The following SLC5A5 variants were observed in gnomAD, a reference collection of about 807,000 sequenced individuals.
SLC5A5 encodes the protein solute carrier family 5 member 5.
Under a neutral mutation model 68.6 loss-of-function variants are expected in SLC5A5, and 56 were observed. The ratio of observed to expected loss-of-function variants is 0.82; its 90% CI spans 0.66 to 1.02. The LOEUF is 1.02. Among genes scored for constraint, SLC5A5 ranks in the 50% least tolerant of loss-of-function variants. The pLI, the probability that SLC5A5 is intolerant of heterozygous loss-of-function variation, is 0.00. For synonymous variants in SLC5A5, 398 were observed against 373.0 expected (o/e 1.07, Z -0.77); for missense variants, 807 against 859.8 (o/e 0.94, Z 0.77).
rs1005011923 is a variant in SLC5A5, at chr19:17,874,677, C to G, written c.489C>G (p.Asp163Glu). 6.2e-7 allele frequency: 1 copy of G among 1,614,176 alleles called. No individual in the cohort carries two copies. The highest frequency in any genetic ancestry group is 1.1e-5 in the South Asian group (1 of 91,092). ...ALILNQVTGL[D>E]IWASLLSTGI... ...CTTTTTGCATAGTGACCGGGCTGGA[C>G]ATCTGGGCGTCGCTCCTGTCCACCG... Residue 163 changes from aspartate to glutamate, a missense_variant, in exon 4 of 15, where the codon GAC (aspartate) becomes GAG (glutamate). Coordinates refer to ENST00000222248, the MANE Select transcript of SLC5A5 (RefSeq NM_000453.3).
At position 17,890,895 on chromosome 19, in the gene SLC5A5, A is replaced by G. The variant is rs1399412903; in HGVS notation, c.1661A>G (p.Lys554Arg). Residue 554 changes from lysine to arginine, a missense_variant, in exon 14 of 15, where the codon AAG becomes AGG. Transcript: ENST00000222248. ...TCTCCCCGCCTCTCAGGCCCCACCA[A>G]GCGCAGCACCCTGGCCCCGGGATTG... ...ALISCLTGPT[K>R]RSTLAPGLLW... 3.1e-6 allele frequency: 5 copies of G among 1,613,276 alleles called. No individual in the cohort carries two copies. The highest frequency in any genetic ancestry group is 4.2e-6 in the Non-Finnish European group (5 of 1,179,448).
chr19:17,889,480 G>C (rs1315259365), intron 13 of SLC5A5, among the ~76,000 whole-genome samples: 84 of 151,958 alleles, frequency 5.5e-4, no homozygotes, highest in Non-Finnish European at 1.5e-5. Flanking sequence ...GAGAAAGAGA[G>C]AGAGAAAGAA....
Position 17,876,068 on chromosome 19 carries a change from C to A in SLC5A5, c.660C>A (p.Leu220=). The A allele has an allele frequency of 1.9e-6, 3 of 1,614,184 alleles. No homozygotes were observed. The South Asian group carries it at 3.3e-5, about 18-fold the overall frequency. The part of the protein sequence containing the change: ...VMLVGGPRQV[L]TLAQNHSRIN... ...TTGTGGGCGGGCCCCGCCAGGTGCT[C>A]ACGCTGGCCCAGAACCACTCCCGGA... The change falls in exon 5 of 15, where the codon CTC becomes CTA. Residue 220 remains leucine (L), a synonymous_variant. Transcript: ENST00000222248.
intron 12 of SLC5A5, among the ~76,000 whole-genome samples, chr19:17,884,590 G>C (rs1420312099): frequency 6.6e-6 from 1 of 151,408 alleles, no homozygotes; most frequent in East Asian, 2.0e-4. Flanking sequence ...TGATCAACAT[G>C]GGGAAACCCC....
At chr19:17,893,065 T>G (rs987144565) in intron 14 of SLC5A5, among the ~76,000 whole-genome samples, 2 of 151,316 alleles carry the variant, frequency 1.3e-5, no homozygotes, top group Non-Finnish European at 2.9e-5. Context: ...TTGTTGTCTT[T>G]GTTTTATTTG....
At chr19:17,885,518 A>G (rs180683896) in intron 12 of SLC5A5, among the ~76,000 whole-genome samples, 46 of 151,574 alleles carry the variant, frequency 3.0e-4, no homozygotes, top group Middle Eastern at 3.4e-3. Flanking sequence ...AGCTGGGACT[A>G]TAGGCATGTA....
At chr19:17,872,807 G>C (rs2094297645) in intron 1 of SLC5A5, 131 bp downstream of exon 1, 1 of 671,502 alleles carries the variant, frequency 1.5e-6, no homozygotes, top group Non-Finnish European at 2.7e-6. Context: ...TAACGGAAGG[G>C]GCCCCTAGGC....
chr19:17,875,900 G>T, intron 4 of SLC5A5, 52 bp from the exon 5 acceptor site: 1 of 1,604,656 alleles, frequency 6.2e-7, no homozygotes, highest in Non-Finnish European at 8.5e-7. Context: ...ACCACTGAAG[G>T]CCAGGTCCCC....
intron 13 of SLC5A5, among the ~76,000 whole-genome samples, 190 bp downstream of exon 13, chr19:17,888,645 A>G (rs1260576191): frequency 7.2e-6 from 1 of 139,498 alleles, no homozygotes; most frequent in African/African-American, 2.9e-5. Flanking sequence ...CATCATCATC[A>G]TTTTTGAGAT....
chr19:17,874,280 A>G (rs2094301352), intron 2 of SLC5A5, 77 bp downstream of exon 2: 4 of 1,040,270 alleles, frequency 3.8e-6, no homozygotes, highest in Non-Finnish European at 5.9e-6. Flanking sequence ...CCACCATTCA[A>G]GACCCCGCCC....
chr19:17,891,574 G>A (rs73022606), intron 14 of SLC5A5, among the ~76,000 whole-genome samples: 5,078 of 152,008 alleles, frequency 0.033, 127 homozygotes, highest in South Asian at 0.056. Flanking sequence ...CCTTTTTGTC[G>A]TTATCTGTTT....
chr19:17,885,323 T>TTTTG (rs569450309), intron 12 of SLC5A5, among the ~76,000 whole-genome samples: 184 of 148,142 alleles, frequency 1.2e-3, no homozygotes, highest in African/African-American at 4.7e-3. Context: ...ACATTTTCTG[T>TTTTG]TTTGTTTATT....
chr19:17,889,044 A>T (rs995150820), intron 13 of SLC5A5, among the ~76,000 whole-genome samples: 4 of 151,774 alleles, frequency 2.6e-5, no homozygotes, highest in African/African-American at 9.7e-5. Flanking sequence ...GAATATATAT[A>T]AAAATTATGA....
chr19:17,884,424 C>G (rs1323053327), intron 12 of SLC5A5, among the ~76,000 whole-genome samples: 2 of 150,156 alleles, frequency 1.3e-5, no homozygotes, highest in African/African-American at 5.0e-5. Context: ...TGAGGGAGGC[C>G]CAGAATTTGG....
At chr19:17,874,388 C>T (rs1437501399) in intron 2 of SLC5A5, 106 bp from the exon 3 acceptor site, 53 of 1,193,182 alleles carry the variant, frequency 4.4e-5, no homozygotes, top group Non-Finnish European at 6.2e-5. Flanking sequence ...GAAGACCCGG[C>T]CTATCTGCCC....
intron 14 of SLC5A5, among the ~76,000 whole-genome samples, chr19:17,891,855 T>C (rs1354648479): frequency 1.3e-5 from 2 of 152,180 alleles, no homozygotes; most frequent in Non-Finnish European, 2.9e-5. Flanking sequence ...CTCTCATTTA[T>C]TGAGCACCTG....
intron 10 of SLC5A5, among the ~76,000 whole-genome samples, 154 bp from the exon 11 acceptor site, chr19:17,883,527 G>A (rs563470794): frequency 6.6e-6 from 1 of 152,088 alleles, no homozygotes; most frequent in South Asian, 2.1e-4. Context: ...GAACAAGGGG[G>A]GGGGGTCCTC....
Position 17,882,205 on chromosome 19 carries a change from G to A in SLC5A5, c.1228G>A (p.Gly410Arg). ...GGCAGCCCTGTCCTCACTGCTCGGA[G>A]GAGGTGTCCTTCAGGTGAGACCCCA... ...TVAALSSLLG[G>R]GVLQGSFTVM... Residue 410 changes from glycine (G) to arginine (R), a missense_variant, in exon 10 of 15, where the codon GGA becomes AGA. Gly to Arg is a moderately radical substitution (Grantham distance 125, BLOSUM62 -2). Coordinates refer to ENST00000222248, the MANE Select transcript of SLC5A5 (RefSeq NM_000453.3). 6.2e-7 allele frequency: 1 copy of A among 1,613,894 alleles called. No individual in the cohort carries two copies. Among genetic ancestry groups the A allele is most frequent in the South Asian group, 1.1e-5 (1 of 91,064 alleles).
chr19:17,886,954 A>T lies in SLC5A5; in HGVS notation c.1527-1377A>T, dbSNP rs192348481. On this transcript the variant is annotated intron_variant, in intron 12 of 14. Transcript: ENST00000222248. ...GCTGGGCATGGTGGTGCACACTTGT[A>T]GTCCCAGCTCCTTGGGAGGCTGAGG... Among the ~76,000 whole-genome samples the T allele has an allele frequency of 5.5e-3, 832 of 152,244 alleles. 9 individuals carry two copies. The highest frequency in any genetic ancestry group is 0.019 in the African/African-American group (797 of 41,528).
Sources: allele counts gnomAD v4.1 joint callset (sites outside exome capture counted in the v4.1 genomes callset), GRCh38; gene constraint gnomAD v4.1.1; transcripts MANE v1.5; gene names NCBI Gene and HGNC (gene_info 2026-07-23, HGNC 2026-07-21).